SYTL5: variants seen among roughly 807,000 people sequenced by gnomAD.
SYTL5 encodes the protein synaptotagmin like 5, also known as synaptotagmin-like protein 5.
SYTL5 carries 34 observed loss-of-function variants against 55.9 expected under a neutral mutation model. That is an observed-to-expected ratio of 0.61 (90% CI 0.46 to 0.81). The LOEUF (loss-of-function observed/expected upper bound fraction) is 0.81, where lower values mean the gene tolerates loss of function less well. Among genes scored for constraint, SYTL5 ranks in the 30% least tolerant of loss-of-function variants. The pLI is 0.00. For missense variants in SYTL5, 637 were observed against 546.7 expected (o/e 1.17, Z -1.65); for synonymous variants, 221 against 188.7 (o/e 1.17, Z -1.40).
intron 8 of SYTL5, 58 bp from the exon 9 acceptor site, chrX:38,096,076 G>T: frequency 1.6e-6 from 1 of 625,342 alleles, no homozygotes. Flanking sequence ...AATAAAAAAT[G>T]AAATCTTCTC....
chrX:38,098,786 C>T (rs5963383), intron 9 of SYTL5, among the ~76,000 whole-genome samples: 1 of 110,580 alleles, frequency 9.0e-6, no homozygotes, highest in Admixed American at 9.6e-5. Flanking sequence ...ATAATAATAT[C>T]TGGTGAATAG....
Position 38,066,191 on chromosome X carries a change from G to T in SYTL5, c.330-5856G>T, listed in dbSNP as rs1474564020. Among the ~76,000 whole-genome samples, 4 of 111,961 alleles carry T rather than the reference G, an allele frequency of 3.6e-5. No homozygotes were observed. In the South Asian group the frequency reaches 1.5e-3, roughly 42 times the overall value. On this transcript the variant is annotated intron_variant, in intron 3 of 16. Transcript: ENST00000297875. ...AAAGGAACTAATATCTTATCTCAGA[G>T]TATCTAATAAGCATATCTTGTTGCA...
chrX:37,990,744 G>A, the SYTL5 span: 1 of 1,088,329 alleles, frequency 9.2e-7, no homozygotes, highest in South Asian at 2.3e-5. Flanking sequence ...TGGAGCAGAG[G>A]GATACAATAG....
intron 6 of SYTL5, among the ~76,000 whole-genome samples, chrX:38,087,475 T>C (rs1471832311): frequency 8.9e-6 from 1 of 112,152 alleles, no homozygotes; most frequent in Non-Finnish European, 1.9e-5. Context: ...TTTTACTCTC[T>C]TGTCAGAATC....
At chrX:38,009,641 C>T (rs1432469433) in intron 1 of SYTL5, among the ~76,000 whole-genome samples, 2 of 110,599 alleles carry the variant, frequency 1.8e-5, no homozygotes, top group African/African-American at 6.6e-5. Context: ...CCTTTTTTCC[C>T]TCAGTCTAAG....
chrX:37,910,032 C>T, the SYTL5 span, among the ~76,000 whole-genome samples: 1 of 111,275 alleles, frequency 9.0e-6, no homozygotes, highest in Non-Finnish European at 1.9e-5. Context: ...TAAATTGGAA[C>T]CTCTGGGAAT....
chrX:38,089,170 C>T (rs1018379835), intron 6 of SYTL5, among the ~76,000 whole-genome samples: 1 of 112,239 alleles, frequency 8.9e-6, no homozygotes, highest in African/African-American at 3.2e-5. Flanking sequence ...GGAACCCAGA[C>T]TGGCTGAGAG....
At chrX:38,103,125 A>T (rs1937123479) in intron 10 of SYTL5, 1 of 1,029,149 alleles carries the variant, frequency 9.7e-7, no homozygotes, top group Non-Finnish European at 1.3e-6. Flanking sequence ...TGTTCTTTCC[A>T]ACCATACTTC....
At chrX:38,096,391 C>T (rs1478243859) in intron 9 of SYTL5, among the ~76,000 whole-genome samples, 157 bp downstream of exon 9, 1 of 110,937 alleles carries the variant, frequency 9.0e-6, no homozygotes, top group African/African-American at 3.3e-5. Flanking sequence ...ACATAAAAAC[C>T]GAAAGAATAA....
chrX:38,125,067 A>G (rs2064802), intron 15 of SYTL5, among the ~76,000 whole-genome samples: 33,085 of 110,619 alleles, frequency 0.3, 5,170 homozygotes, highest in African/African-American at 0.59. Flanking sequence ...TACAGGAGGT[A>G]TTTTCTTTTC....
intron 2 of SYTL5, among the ~76,000 whole-genome samples, chrX:38,034,613 T>A (rs1423822675): frequency 8.9e-6 from 1 of 112,270 alleles, no homozygotes; most frequent in Non-Finnish European, 1.9e-5. Flanking sequence ...AATAAGTTTC[T>A]TGTGAAGAAA....
At chrX:38,125,065 G>A (rs951890043) in intron 15 of SYTL5, among the ~76,000 whole-genome samples, 3 of 111,694 alleles carry the variant, frequency 2.7e-5, no homozygotes, top group African/African-American at 9.8e-5. Context: ...ATTACAGGAG[G>A]TATTTTCTTT....
chrX:37,998,612 C>T, the SYTL5 span, among the ~76,000 whole-genome samples: 3 of 112,031 alleles, frequency 2.7e-5, no homozygotes, highest in African/African-American at 9.7e-5. Context: ...CCGTTCCACA[C>T]CTTACTCCCC....
At chrX:37,903,451 C>T in the SYTL5 span, among the ~76,000 whole-genome samples, 1 of 105,569 alleles carries the variant, frequency 9.5e-6, no homozygotes, top group Non-Finnish European at 1.9e-5. Flanking sequence ...ATTGCAAGGG[C>T]AAAAAACCAA....
intron 1 of SYTL5, among the ~76,000 whole-genome samples, chrX:38,016,874 G>T (rs1169410333): frequency 1.8e-5 from 2 of 111,990 alleles, no homozygotes; most frequent in Non-Finnish European, 3.8e-5. Context: ...AACTCACTTT[G>T]AATGCTGCAA....
intron 8 of SYTL5, among the ~76,000 whole-genome samples, chrX:38,095,145 A>G (rs745978194): frequency 1.8e-4 from 20 of 111,811 alleles, no homozygotes; most frequent in Admixed American, 9.5e-5. Context: ...TGTTTGCTGA[A>G]CTGAGGGGTC....
the SYTL5 span, among the ~76,000 whole-genome samples, chrX:37,976,161 A>G: frequency 8.9e-6 from 1 of 112,685 alleles, no homozygotes; most frequent in South Asian, 3.7e-4. Flanking sequence ...GCTTATCTTT[A>G]AGGGTGTCAT....
At chrX:38,116,338 C>T (rs780790705) in intron 13 of SYTL5, among the ~76,000 whole-genome samples, 1 of 112,063 alleles carries the variant, frequency 8.9e-6, no homozygotes, top group East Asian at 2.8e-4. Flanking sequence ...CTATAGTTTC[C>T]CAATGCATTT....
At chrX:38,077,673 T>C (rs1936425694) in intron 6 of SYTL5, among the ~76,000 whole-genome samples, 1 of 111,646 alleles carries the variant, frequency 9.0e-6, no homozygotes, top group African/African-American at 3.3e-5. Flanking sequence ...AAAAAAAAAT[T>C]ACAAGGAAGC....
Sources: allele counts gnomAD v4.1 joint callset (sites outside exome capture counted in the v4.1 genomes callset), GRCh38; gene constraint gnomAD v4.1.1; transcripts MANE v1.5; gene names NCBI Gene and HGNC (gene_info 2026-07-23, HGNC 2026-07-21).